Variants in EPB41L5 observed in about 807,000 individuals in gnomAD.
EPB41L5 encodes erythrocyte membrane protein band 4.1 like 5.
A neutral mutation model predicts 106.6 loss-of-function variants in EPB41L5; 55 were observed. That is an observed-to-expected ratio of 0.52 (90% CI 0.42 to 0.65). The LOEUF is 0.65. Ranked by LOEUF, EPB41L5 falls within the 30% of genes least tolerant of loss-of-function variation. The pLI, the probability that EPB41L5 is intolerant of heterozygous loss-of-function variation, is 0.00. For missense variants in EPB41L5, 871 were observed against 882.1 expected (o/e 0.99, Z 0.16); for synonymous variants, 297 against 306.7 (o/e 0.97, Z 0.33).
intron 20 of EPB41L5, among the ~76,000 whole-genome samples, chr2:120,159,231 TG>T (rs1687030330): frequency 6.7e-6 from 1 of 149,176 alleles, no homozygotes; most frequent in African/African-American, 2.5e-5. Flanking sequence ...GAGATCATCC[TG>T]GCTAACACAG....
intron 16 of EPB41L5, among the ~76,000 whole-genome samples, chr2:120,120,431 C>CAAAAAAAAAAAAAAAAAAAGGAAAAAAAA (rs35837378): frequency 1.1e-5 from 1 of 92,848 alleles, no homozygotes; most frequent in African/African-American, 4.8e-5. Flanking sequence ...CACTCAATCT[C>CAAAAAAAAAAAAAAAAAAAGGAAAAAAAA]AAAAAAAAAA....
At chr2:120,086,107 A>G (rs1429004509) in intron 10 of EPB41L5, among the ~76,000 whole-genome samples, 2 of 152,178 alleles carry the variant, frequency 1.3e-5, no homozygotes, top group African/African-American at 4.8e-5. Context: ...AGGCTGAGGC[A>G]GGAGAATTGC....
At chr2:120,173,272 G>A (rs1050701463) in intron 24 of EPB41L5, among the ~76,000 whole-genome samples, 3 of 152,220 alleles carry the variant, frequency 2.0e-5, no homozygotes, top group African/African-American at 4.8e-5. Context: ...GGATTGTGGG[G>A]CTGGGGAGAG....
At chr2:120,018,939 C>T (rs1677731488) in intron 1 of EPB41L5, 138 bp from the exon 2 acceptor site, 1 of 736,540 alleles carries the variant, frequency 1.4e-6, no homozygotes, top group Non-Finnish European at 2.2e-6. Flanking sequence ...AGTCACTGCA[C>T]CCAGCCCAGG....
intron 3 of EPB41L5, among the ~76,000 whole-genome samples, chr2:120,072,955 G>A (rs1337063417): frequency 6.6e-6 from 1 of 151,526 alleles, no homozygotes; most frequent in African/African-American, 2.4e-5. Flanking sequence ...CATCTGTCAG[G>A]TTTTAGGTCG....
At chr2:120,028,362 C>T (rs568454739) in intron 2 of EPB41L5, among the ~76,000 whole-genome samples, 18 of 151,844 alleles carry the variant, frequency 1.2e-4, no homozygotes, top group African/African-American at 3.6e-4. Context: ...ATGGGTACCC[C>T]GTTTCAAAAG....
intron 16 of EPB41L5, among the ~76,000 whole-genome samples, chr2:120,111,583 C>G (rs1422562666): frequency 6.6e-6 from 1 of 152,134 alleles, no homozygotes; most frequent in East Asian, 1.9e-4. Flanking sequence ...AGATTTCTTT[C>G]AGAATCAGTA....
intron 4 of EPB41L5, among the ~76,000 whole-genome samples, 160 bp downstream of exon 4, chr2:120,073,380 G>A (rs1240169735): frequency 6.6e-6 from 1 of 152,164 alleles, no homozygotes; most frequent in Non-Finnish European, 1.5e-5. Flanking sequence ...TACTCCCCAA[G>A]TCATGTAGGC....
intron 3 of EPB41L5, among the ~76,000 whole-genome samples, chr2:120,045,526 C>G (rs1017753219): frequency 4.6e-5 from 7 of 152,078 alleles, no homozygotes; most frequent in African/African-American, 1.7e-4. Flanking sequence ...TCAATACAGC[C>G]ATCAAAACCA....
intron 9 of EPB41L5, among the ~76,000 whole-genome samples, chr2:120,077,797 T>C (rs1335984178): frequency 3.9e-5 from 6 of 152,164 alleles, no homozygotes; most frequent in Non-Finnish European, 8.8e-5. Context: ...GCGGTTGTAT[T>C]AGTTCATTCT....
At chr2:120,081,443 G>A (rs1395494662) in intron 10 of EPB41L5, among the ~76,000 whole-genome samples, 1 of 152,040 alleles carries the variant, frequency 6.6e-6, no homozygotes, top group African/African-American at 2.4e-5. Flanking sequence ...ATTTCCGAGG[G>A]CTCTGTTCTG....
intron 24 of EPB41L5, 87 bp downstream of exon 24, chr2:120,168,094 G>C: frequency 7.0e-7 from 1 of 1,429,884 alleles, no homozygotes; most frequent in Non-Finnish European, 9.5e-7. Context: ...AAGCAGCAAT[G>C]TCAATTCTTC....
At chr2:120,085,237 C>T (rs539394863) in intron 10 of EPB41L5, among the ~76,000 whole-genome samples, 11 of 152,238 alleles carry the variant, frequency 7.2e-5, no homozygotes, top group African/African-American at 2.6e-4. Flanking sequence ...TCTGTTTTTT[C>T]CCCGTCTTTG....
intron 20 of EPB41L5, among the ~76,000 whole-genome samples, chr2:120,149,753 C>T (rs887629295): frequency 3.9e-5 from 6 of 152,110 alleles, no homozygotes; most frequent in African/African-American, 9.7e-5. Flanking sequence ...AGTAGAATTC[C>T]GGAGTCATAC....
chr2:120,124,885 G>T (rs892494405), intron 16 of EPB41L5, among the ~76,000 whole-genome samples: 2 of 152,080 alleles, frequency 1.3e-5, no homozygotes, highest in South Asian at 2.1e-4. Flanking sequence ...TGAGATTGAG[G>T]TTAAACATTT....
intron 3 of EPB41L5, among the ~76,000 whole-genome samples, chr2:120,055,537 G>A (rs535192136): frequency 3.4e-3 from 428 of 125,204 alleles, no homozygotes; most frequent in Non-Finnish European, 5.3e-3. Context: ...CAACCAGGCT[G>A]GAGTGCAGTG....
At chr2:120,085,527 G>A (rs531304364) in intron 10 of EPB41L5, among the ~76,000 whole-genome samples, 23 of 152,218 alleles carry the variant, frequency 1.5e-4, no homozygotes, top group African/African-American at 4.3e-4. Context: ...CTACTGGAGG[G>A]TGCCTCCCAG....
chr2:120,143,303 G>A (rs1042637350), intron 19 of EPB41L5, among the ~76,000 whole-genome samples, 172 bp downstream of exon 19: 10 of 152,086 alleles, frequency 6.6e-5, no homozygotes, highest in Admixed American at 6.5e-4. Flanking sequence ...AGCCAAATTT[G>A]TATAGAAGTG....
intron 18 of EPB41L5, among the ~76,000 whole-genome samples, chr2:120,132,165 G>T (rs1685725210): frequency 6.6e-6 from 1 of 152,110 alleles, no homozygotes; most frequent in Non-Finnish European, 1.5e-5. Flanking sequence ...TAGGGTGGGG[G>T]ATACATACCA....
Sources: allele counts gnomAD v4.1 joint callset (sites outside exome capture counted in the v4.1 genomes callset), GRCh38; gene constraint gnomAD v4.1.1; transcripts MANE v1.5; gene names NCBI Gene and HGNC (gene_info 2026-07-23, HGNC 2026-07-21).